The following DCT variants were observed in gnomAD, a reference collection of about 807,000 sequenced individuals.
DCT encodes the protein dopachrome tautomerase.
A neutral mutation model predicts 53.0 loss-of-function variants in DCT; 47 were observed. The observed-to-expected ratio is 0.89, with a 90% CI of 0.70 to 1.13. DCT has a LOEUF of 1.13. DCT is among the 50% of genes most tolerant of loss of function. The probability of loss-of-function intolerance (pLI) is 0.00; values close to 1 mark genes in which losing one functional copy is unlikely to be tolerated. For synonymous variants in DCT, 244 were observed against 237.0 expected (o/e 1.03, Z -0.27); for missense variants, 669 against 637.4 (o/e 1.05, Z -0.53).
the DCT span, among the ~76,000 whole-genome samples, chr13:94,536,819 T>C: frequency 1.2e-3 from 184 of 152,136 alleles, no homozygotes; most frequent in Non-Finnish European, 2.0e-3. Context: ...TGGTGGGAGC[T>C]TGTAATCCCA....
chr13:94,440,166 G>A (rs768422711), intron 7 of DCT, 90 bp from the exon 8 acceptor site: 7 of 1,070,506 alleles, frequency 6.5e-6, no homozygotes, highest in South Asian at 3.2e-5. Flanking sequence ...TGCCTTTCAC[G>A]TGCTTTTTGT....
Position 94,460,097 on chromosome 13 carries a change from A to G in DCT, c.1173T>C (p.Ile391=), listed in dbSNP as rs763841511. 1.1e-5 allele frequency: 18 copies of G among 1,613,896 alleles called. No individual in the cohort carries two copies. Among genetic ancestry groups the G allele is most frequent in the Non-Finnish European group, 1.5e-5 (18 of 1,179,960 alleles). Residue 391 remains isoleucine (I), a synonymous_variant, in exon 6 of 8, where the codon ATT becomes ATC. Coordinates refer to ENST00000377028, the MANE Select transcript of DCT (RefSeq NM_001922.5). ...TCTGAATCTTTGAACATACCACAAA[A>G]ATGGGATCATTGGCGGCTGAATGTG... is the stretch of plus-strand genomic sequence containing the variant. ...ALPHSAANDP[I]FVVLHSFTDA...
At chr13:94,468,662 T>C (rs1884388673) in intron 2 of DCT, 84 bp downstream of exon 2, 6 of 1,212,990 alleles carry the variant, frequency 4.9e-6, no homozygotes, top group South Asian at 1.4e-5. Context: ...TTAATTAACT[T>C]GCATGAAATT....
the DCT span, among the ~76,000 whole-genome samples, chr13:94,536,634 AC>A: frequency 1.0e-3 from 155 of 150,576 alleles, no homozygotes; most frequent in African/African-American, 3.6e-3. Flanking sequence ...CCTCTGTGTC[AC>A]CCTCTGCCAT....
At chr13:94,477,612 A>C (rs2139378273) in intron 1 of DCT, among the ~76,000 whole-genome samples, 1 of 152,192 alleles carries the variant, frequency 6.6e-6, no homozygotes, top group South Asian at 2.1e-4. Flanking sequence ...TATGTCACAA[A>C]CCTGCACTTG....
chr13:94,507,508 T>TTC, the DCT span, among the ~76,000 whole-genome samples: 5 of 151,554 alleles, frequency 3.3e-5, no homozygotes, highest in Non-Finnish European at 7.4e-5. Context: ...ATTGACTTTT[T>TTC]TTTTTTTTTT....
intron 1 of DCT, among the ~76,000 whole-genome samples, chr13:94,472,570 T>TA (rs2139364991): frequency 8.1e-5 from 1 of 12,388 alleles, no homozygotes; most frequent in Non-Finnish European, 1.5e-4. Flanking sequence ...ATATATATAT[T>TA]TTTTTTTTTT....
the DCT span, among the ~76,000 whole-genome samples, chr13:94,544,376 G>T: frequency 2.6e-5 from 4 of 152,150 alleles, no homozygotes; most frequent in Non-Finnish European, 2.9e-5. Context: ...GGGAAAGCGG[G>T]TTTGCTCAAG....
At chr13:94,465,430 C>G (rs1884106177) in intron 4 of DCT, 1 of 365,654 alleles carries the variant, frequency 2.7e-6, no homozygotes, top group African/African-American at 2.5e-5. Flanking sequence ...AACCAATTCA[C>G]AAATGTGATT....
rs762456842 is a variant in DCT at position 94,460,174 on chromosome 13, T to A, written c.1096A>T (p.Met366Leu). 1 of 1,613,884 alleles carries A rather than the reference T, an allele frequency of 6.2e-7. No homozygotes were observed. The highest frequency in any genetic ancestry group is 1.7e-5 in the Admixed American group (1 of 60,004). ...GAATGAACCAAATTATGAAGGCTCA[T>A]CACTTGAGAATCCAGAGTCCCATCT... is the stretch of plus-strand genomic sequence containing the variant. ...KADGTLDSQV[M>L]SLHNLVHSFL... Residue 366 changes from methionine to leucine, a missense_variant, in exon 6 of 8, where the codon ATG becomes TTG. By Grantham distance (15) the Met-to-Leu change is conservative. Coordinates refer to ENST00000377028, the MANE Select transcript of DCT (RefSeq NM_001922.5).
At chr13:94,451,187 G>A (rs370886016) in intron 6 of DCT, among the ~76,000 whole-genome samples, 40 of 152,254 alleles carry the variant, frequency 2.6e-4, no homozygotes, top group African/African-American at 9.1e-4. Flanking sequence ...GGTAGTAACT[G>A]TGTACCTGCT....
Position 94,466,632 on chromosome 13 carries a change from C to G in DCT, c.622G>C (p.Asp208His), listed in dbSNP as rs1329113290. The change falls in exon 3 of 8, where the codon GAT (aspartate) becomes CAT (histidine). Residue 208 changes from aspartate to histidine, a missense_variant. Transcript: ENST00000377028. ...AATGCAGGTCCTTGATGTGAGAAAT[C>G]TATGGCCCTGTAGGGGCGTCCTGGT... ...LGPGRPYRAI[D>H]FSHQGPAFVT... The G allele has an allele frequency of 2.1e-5, 34 of 1,611,254 alleles. No individual in the cohort carries two copies. Among genetic ancestry groups the G allele is most frequent in the Non-Finnish European group, 2.4e-5 (28 of 1,178,778 alleles).
chr13:94,500,355 C>T, the DCT span, among the ~76,000 whole-genome samples: 6 of 152,130 alleles, frequency 3.9e-5, no homozygotes, highest in Admixed American at 1.3e-4. Flanking sequence ...AGGGGGAGCC[C>T]CTTAGAAAAT....
At position 94,472,724 on chromosome 13, in the gene DCT, G is replaced by C. The variant is rs189350678; in HGVS notation, c.296-3679C>G. On this transcript the variant is annotated intron_variant, in intron 1 of 7. Transcript: ENST00000377028. ...AGCCTCCCTAGTAGCTGGGATTACA[G>C]GTGCACACCACCACACCTGGCCAAT... Among the ~76,000 whole-genome samples, 746 of 150,702 alleles carry C rather than the reference G, an allele frequency of 5.0e-3. 11 individuals carry two copies. Among genetic ancestry groups the C allele is most frequent in the African/African-American group, 0.017 (714 of 40,958 alleles).
At chr13:94,492,183 A>G in the DCT span, among the ~76,000 whole-genome samples, 1 of 152,256 alleles carries the variant, frequency 6.6e-6, no homozygotes, top group Non-Finnish European at 1.5e-5. Flanking sequence ...AGGCAGATAC[A>G]TAGAAAGTGC....
chr13:94,490,532 C>A, the DCT span, among the ~76,000 whole-genome samples: 9,507 of 51,082 alleles, frequency 0.19, 10 homozygotes, highest in Non-Finnish European at 0.22. Flanking sequence ...AAAAAAAAAA[C>A]AACTAACCAT....
intron 1 of DCT, among the ~76,000 whole-genome samples, chr13:94,478,646 G>A (rs928045466): frequency 6.6e-5 from 10 of 152,346 alleles, no homozygotes; most frequent in African/African-American, 2.4e-4. Flanking sequence ...GACTTGCTCC[G>A]AGTTTCAAAG....
chr13:94,452,063 G>A (rs763416308), intron 6 of DCT, among the ~76,000 whole-genome samples: 2 of 151,296 alleles, frequency 1.3e-5, no homozygotes, highest in African/African-American at 2.4e-5. Flanking sequence ...ACAGAGTTTC[G>A]CTCTTGTCAC....
the DCT span, among the ~76,000 whole-genome samples, chr13:94,488,723 TACACACACACACACACACACACACAC>T: frequency 3.6e-5 from 5 of 139,236 alleles, no homozygotes; most frequent in East Asian, 2.2e-4. Flanking sequence ...GTCTAATATA[TACACACACACACACACACACACACAC>T]ACACACACAC....
Sources: gnomAD v4.1 joint callset for allele counts (sites outside exome capture counted in the v4.1 genomes callset) on GRCh38, gnomAD v4.1.1 for gene constraint, MANE v1.5 for transcripts, NCBI Gene and HGNC (gene_info 2026-07-23, HGNC 2026-07-21) for gene names.